CLEC16A: variants seen among roughly 807,000 people sequenced by gnomAD.
CLEC16A encodes the protein C-type lectin domain containing 16A.
A neutral mutation model predicts 109.5 loss-of-function variants in CLEC16A; 51 were observed. That is an observed-to-expected ratio of 0.47 (90% confidence interval 0.37 to 0.59). The LOEUF is 0.59. CLEC16A is among the 20% of genes least tolerant of loss of function. The pLI, the probability that CLEC16A is intolerant of heterozygous loss-of-function variation, is 0.00. For missense variants in CLEC16A, 1,339 were observed against 1,394.0 expected, an observed-to-expected ratio of 0.96 and a Z score of 0.63; for synonymous variants, 673 against 564.2, an observed-to-expected ratio of 1.19 and a Z score of -2.73.
At chr16:11,159,206 A>G (rs1294084344) in intron 22 of CLEC16A, among the ~76,000 whole-genome samples, 1 of 152,208 alleles carries the variant, frequency 6.6e-6, no homozygotes, top group Non-Finnish European at 1.5e-5. Context: ...CCCAGTCTCT[A>G]CCAGGCCCTG....
rs2042250476 is a variant in CLEC16A at position 10,961,603 on chromosome 16, G to T, written c.210-852G>T. 6.6e-6 allele frequency among the ~76,000 whole-genome samples: 1 copy of T among 152,228 alleles called. No homozygotes were observed. The highest frequency in any genetic ancestry group is 6.5e-5 in the Admixed American group (1 of 15,282). ...CCCCAGAAGCCAGTGCCGCTAGGCT[G>T]TGTACAGACAAGTATCCTATCCACA... On this transcript the variant is annotated intron_variant, in intron 2 of 23. Transcript: ENST00000409790. The surrounding 1 kb of genome is among the most constrained non-coding windows in gnomAD (Gnocchi z 4.3).
Position 11,099,566 on chromosome 16 carries a change from G to A in CLEC16A, c.2117-21049G>A, listed in dbSNP as rs144132858. Among the ~76,000 whole-genome samples, 26 of 152,358 alleles carry A rather than the reference G, an allele frequency of 1.7e-4. No homozygotes were observed. The East Asian group carries it at 4.6e-3, about 27-fold the overall frequency. ...GCAGAAAGTCCTTTTGGGCAGCAGCGCTGTCTAGCAGGTGGGGTAAAATCA... is the reference window on the plus strand; with the variant it reads ...GCAGAAAGTCCTTTTGGGCAGCAGCACTGTCTAGCAGGTGGGGTAAAATCA... On this transcript the variant is annotated intron_variant, in intron 19 of 23. Transcript: ENST00000409790.
intron 7 of CLEC16A, among the ~76,000 whole-genome samples, chr16:10,975,487 A>G (rs1242614603): frequency 2.0e-5 from 3 of 152,226 alleles, no homozygotes; most frequent in South Asian, 2.1e-4. Flanking sequence ...CTTTAAATAT[A>G]CCATTAGAGA....
intron 22 of CLEC16A, 156 bp downstream of exon 22, chr16:11,126,302 A>G: frequency 1.3e-6 from 2 of 1,530,862 alleles, no homozygotes; most frequent in Non-Finnish European, 1.8e-6. Flanking sequence ...GCACAGCGCA[A>G]GATTAAACAC....
intron 23 of CLEC16A, among the ~76,000 whole-genome samples, 151 bp downstream of exon 23, chr16:11,166,703 T>G (rs2068279270): frequency 3.3e-5 from 5 of 152,164 alleles, no homozygotes. Flanking sequence ...CCTCTAGAGA[T>G]TCCTCTAACT....
chr16:11,166,681 C>T, intron 23 of CLEC16A, 129 bp downstream of exon 23: 1 of 948,492 alleles, frequency 1.1e-6, no homozygotes, highest in Non-Finnish European at 1.5e-6. Context: ...CTCAGGTGAT[C>T]TGCACATGAA....
At chr16:11,019,741 C>G (rs909901849) in intron 11 of CLEC16A, among the ~76,000 whole-genome samples, 1 of 149,966 alleles carries the variant, frequency 6.7e-6, no homozygotes, top group Non-Finnish European at 1.5e-5. Context: ...TGCCCTCCAG[C>G]CTGGGTGACA....
At chr16:11,012,411 C>T (rs769500479) in intron 11 of CLEC16A, among the ~76,000 whole-genome samples, 42 of 151,882 alleles carry the variant, frequency 2.8e-4, no homozygotes, top group African/African-American at 8.2e-4. Context: ...CTGGCTAATA[C>T]GGTGAAACCC....
intron 1 of CLEC16A, among the ~76,000 whole-genome samples, chr16:10,957,462 C>T (rs1031864023): frequency 3.3e-5 from 5 of 152,180 alleles, no homozygotes; most frequent in Non-Finnish European, 5.9e-5. Flanking sequence ...TCTGAATTTC[C>T]GAGGGGGCTC....
At chr16:11,069,075 C>T (rs936038925) in intron 19 of CLEC16A, among the ~76,000 whole-genome samples, 7 of 151,826 alleles carry the variant, frequency 4.6e-5, no homozygotes, top group Admixed American at 1.3e-4. Flanking sequence ...TCAAATAGTC[C>T]GCCTGCCTTG....
chr16:11,060,758 G>C, intron 18 of CLEC16A, 144 bp from the exon 19 acceptor site: 1 of 805,484 alleles, frequency 1.2e-6, no homozygotes, highest in Non-Finnish European at 1.8e-6. Flanking sequence ...GCACGTACCA[G>C]AATCAAAACA....
chr16:11,014,706 CG>C (rs1057291577), intron 11 of CLEC16A, among the ~76,000 whole-genome samples: 3 of 152,180 alleles, frequency 2.0e-5, no homozygotes, highest in African/African-American at 7.2e-5. Context: ...GCCTCAGTCC[CG>C]GCCTTGGGGA....
Position 11,090,548 on chromosome 16 carries a change from C to T in CLEC16A, c.2116+29526C>T, listed in dbSNP as rs367792864. ...TGGACCACTTTCCTATTACATTTCT[C>T]CGCAACTCCCCGCTTACCTAACATC... is the stretch of plus-strand genomic sequence containing the variant. On this transcript the variant is annotated intron_variant, in intron 19 of 23. Coordinates refer to ENST00000409790, the MANE Select transcript of CLEC16A (RefSeq NM_015226.3). 6.7e-4 allele frequency among the ~76,000 whole-genome samples: 102 copies of T among 152,290 alleles called. 3 individuals carry two copies. The South Asian group carries it at 0.02, about 30-fold the overall frequency.
At chr16:11,003,645 A>G (rs1003463610) in intron 11 of CLEC16A, among the ~76,000 whole-genome samples, 2 of 152,140 alleles carry the variant, frequency 1.3e-5, no homozygotes, top group African/African-American at 4.8e-5. Context: ...TGTGCTCCAA[A>G]CAGTGCCTGG....
At chr16:11,012,767 C>T (rs555853315) in intron 11 of CLEC16A, among the ~76,000 whole-genome samples, 3 of 152,272 alleles carry the variant, frequency 2.0e-5, no homozygotes, top group South Asian at 2.1e-4. Flanking sequence ...CCTTCCTGCA[C>T]GAGGTTCAAA....
chr16:10,971,936 T>A (rs1449691520), intron 5 of CLEC16A, among the ~76,000 whole-genome samples: 2 of 152,192 alleles, frequency 1.3e-5, no homozygotes, highest in African/African-American at 4.8e-5. Flanking sequence ...TTGACTTTCA[T>A]GAGCCAAAAT....
intron 16 of CLEC16A, among the ~76,000 whole-genome samples, chr16:11,046,561 G>A (rs543418573): frequency 6.6e-6 from 1 of 152,146 alleles, no homozygotes; most frequent in African/African-American, 2.4e-5. Context: ...CCATGACAGT[G>A]AGTGCTCACA....
At chr16:11,014,239 T>G (rs545922381) in intron 11 of CLEC16A, among the ~76,000 whole-genome samples, 6 of 152,354 alleles carry the variant, frequency 3.9e-5, no homozygotes, top group Admixed American at 2.6e-4. Context: ...TTCCTTCCAC[T>G]TAGCAATGTC....
chr16:11,028,838 A>G (rs1041968746), intron 13 of CLEC16A, among the ~76,000 whole-genome samples: 8 of 152,182 alleles, frequency 5.3e-5, no homozygotes, highest in Admixed American at 1.3e-4. Context: ...TTTCCCTGTA[A>G]GCACTGCTTT....
Sources: allele counts gnomAD v4.1 joint callset (sites outside exome capture counted in the v4.1 genomes callset), GRCh38; gene constraint gnomAD v4.1.1; non-coding constraint Gnocchi (gnomAD v3.1); transcripts MANE v1.5; gene names NCBI Gene and HGNC (gene_info 2026-07-23, HGNC 2026-07-21).